The following PHRF1 variants were observed in gnomAD, a reference collection of about 807,000 sequenced individuals.
The protein encoded by PHRF1 is PHD and ring finger domains 1, also known as PHD and RING finger domain-containing protein 1.
PHRF1 carries 53 observed loss-of-function variants against 128.9 expected under a neutral mutation model. That is an observed-to-expected ratio of 0.41 (90% CI 0.33 to 0.52). The LOEUF (loss-of-function observed/expected upper bound fraction) is 0.52, where lower values mean the gene tolerates loss of function less well. Among genes scored for constraint, PHRF1 ranks in the 20% least tolerant of loss-of-function variants. The pLI is 0.21. For synonymous variants in PHRF1, 1,178 were observed against 980.6 expected (o/e 1.20, Z -3.76); for missense variants, 2,503 against 2,284.5 (o/e 1.10, Z -1.95).
intron 6 of PHRF1, 38 bp downstream of exon 6, chr11:592,712 C>T (rs141828365): frequency 1.4e-4 from 224 of 1,597,022 alleles, no homozygotes; most frequent in African/African-American, 2.0e-4. Flanking sequence ...TGCCCTGCTG[C>T]GTGCAAGGCG....
rs1856112750 is a variant in PHRF1 at position 608,529 on chromosome 11, T to G, written c.3073T>G (p.Ser1025Ala). The change falls in exon 14 of 18, where the codon TCC (serine) becomes GCC (alanine). Residue 1025 changes from serine (S) to alanine (A), a missense_variant. Ser to Ala is a moderately conservative substitution (Grantham distance 99, BLOSUM62 1). Coordinates refer to ENST00000264555, the MANE Select transcript of PHRF1 (RefSeq NM_001286581.2). ...GACGCGCTCTGGGACGCGCTCTGAA[T>G]CCAGGGACAGGAGCTCGAGGTCAGC... ...GRTRSGTRSE[S>A]RDRSSRSASP... 7 of 1,612,074 alleles carry G rather than the reference T, an allele frequency of 4.3e-6. No homozygotes were observed. Among genetic ancestry groups the G allele is most frequent in the Non-Finnish European group, 5.9e-6 (7 of 1,179,758 alleles).
At position 587,264 on chromosome 11, in the gene PHRF1, G is replaced by C. The variant is rs1198667569; in HGVS notation, c.220G>C (p.Glu74Gln). The change falls in exon 4 of 18, where the codon GAG (glutamate) becomes CAG (glutamine). Residue 74 changes from glutamate to glutamine, a missense_variant. Coordinates refer to ENST00000264555, the MANE Select transcript of PHRF1 (RefSeq NM_001286581.2). ...EEDLEDRSGS[E>Q]DSEDDGETLL... ...CTGGCATGTTTCCTCTCCAGGTTCC[G>C]AGGATTCTGAAGACGACGGGGAGAC... is the stretch of plus-strand genomic sequence containing the variant. The C allele has an allele frequency of 6.2e-7, 1 of 1,613,258 alleles. No individual in the cohort carries two copies.
rs371223606 is a variant in PHRF1 at position 582,032 on chromosome 11, C to T, written c.165C>T (p.Asp55=). The change falls in exon 3 of 18, where the codon GAC becomes GAT. Residue 55 remains aspartate, a synonymous_variant. Coordinates refer to ENST00000264555, the MANE Select transcript of PHRF1 (RefSeq NM_001286581.2). The part of the protein sequence containing the change: ...DSDSEHGDGT[D]GEDEGASEEE... The stretch of plus-strand genomic sequence containing the variant: ...ACAGCGAGCATGGAGATGGCACAGA[C>T]GGAGAAGACGAGGGGGCGTCTGAGG... 27 of 1,607,218 alleles carry T rather than the reference C, an allele frequency of 1.7e-5. No individual in the cohort carries two copies. Among genetic ancestry groups the T allele is most frequent in the Admixed American group, 6.8e-5 (4 of 59,012 alleles).
At chr11:609,754 GC>G in intron 14 of PHRF1, 34 bp downstream of exon 14, 2 of 1,379,114 alleles carry the variant, frequency 1.5e-6, no homozygotes, top group South Asian at 3.0e-5. Flanking sequence ...CGAGGACAGA[GC>G]CCCCAGTGAG....
chr11:605,831 C>A, intron 12 of PHRF1, 107 bp downstream of exon 12: 1 of 1,431,020 alleles, frequency 7.0e-7, no homozygotes, highest in Non-Finnish European at 9.2e-7. Context: ...CCCTGGGTGG[C>A]GTCAGCACCT....
At position 608,627 on chromosome 11, in the gene PHRF1, C is replaced by T. The variant is rs1003171015; in HGVS notation, c.3171C>T (p.Asp1057=). The T allele has an allele frequency of 4.3e-6, 7 of 1,612,086 alleles. No homozygotes were observed. Among genetic ancestry groups the T allele is most frequent in the Non-Finnish European group, 5.9e-6 (7 of 1,179,784 alleles). Residue 1057 remains aspartate, a synonymous_variant, in exon 14 of 18, where the codon GAC becomes GAT. Coordinates refer to ENST00000264555, the MANE Select transcript of PHRF1 (RefSeq NM_001286581.2). ...CCAAGAGCCGGCGGTCCTCCAGTGACCGCTCCAGCAGCCGAGAGCGAGCTA... is the reference window on the plus strand; with the variant it reads ...CCAAGAGCCGGCGGTCCTCCAGTGATCGCTCCAGCAGCCGAGAGCGAGCTA... ...SKAKSRRSSS[D]RSSSRERAKR... is the part of the protein sequence containing the mutation.
chr11:592,176 A>G (rs1331013790), intron 5 of PHRF1, among the ~76,000 whole-genome samples: 1 of 151,412 alleles, frequency 6.6e-6, no homozygotes, highest in African/African-American at 2.4e-5. Context: ...CGGCCTCCCA[A>G]AGTGCTGGGA....
chr11:609,870 C>T, intron 14 of PHRF1, 150 bp downstream of exon 14: 1 of 611,836 alleles, frequency 1.6e-6, no homozygotes, highest in Non-Finnish European at 2.7e-6. Context: ...CCGCTGAGAA[C>T]AGAGCCCCCT....
At chr11:601,171 G>A (rs948741547) in intron 9 of PHRF1, among the ~76,000 whole-genome samples, 8 of 151,878 alleles carry the variant, frequency 5.3e-5, no homozygotes, top group Admixed American at 2.0e-4. Flanking sequence ...TTGGGCAGGC[G>A]TGGTGGCTCA....
intron 5 of PHRF1, 44 bp from the exon 6 acceptor site, chr11:592,515 G>C: frequency 1.9e-6 from 3 of 1,567,058 alleles, no homozygotes; most frequent in Non-Finnish European, 2.6e-6. Flanking sequence ...GTGACTGCGG[G>C]GAGTTTGGGT....
rs1422542941 is a variant in PHRF1, at chr11:597,387, C to T, written c.719-8C>T. On this transcript the variant is annotated splice_region_variant and splice_polypyrimidine_tract_variant and intron_variant, in intron 7 of 17. Coordinates refer to ENST00000264555, the MANE Select transcript of PHRF1 (RefSeq NM_001286581.2). The surrounding 1 kb of genome is among the most constrained non-coding windows in gnomAD (Gnocchi z 6.5). ...GTGTGGCACATCAGCCCTGGTGGTT[C>T]TTCCCAGATGCGGGTCCCGTGAGTG... 6.2e-7 allele frequency: 1 copy of T among 1,609,288 alleles called. No homozygotes were observed.
rs759319877 is a variant in PHRF1 at position 609,585 on chromosome 11, A to G, written c.4129A>G (p.Arg1377Gly). The G allele has an allele frequency of 1.9e-6, 3 of 1,595,696 alleles. No individual in the cohort carries two copies. The highest frequency in any genetic ancestry group is 2.6e-6 in the Non-Finnish European group (3 of 1,172,814). The change falls in exon 14 of 18, where the codon AGG (arginine) becomes GGG (glycine). Residue 1377 changes from arginine to glycine, a missense_variant. Arg to Gly is a moderately radical substitution (Grantham distance 125). Coordinates refer to ENST00000264555, the MANE Select transcript of PHRF1 (RefSeq NM_001286581.2). ...GGAAGACAGCCCCTCTGCGAGTGGGAGGGTACAGGAGGCAGCCCGGCCTGA... is the reference window on the plus strand; with the variant it reads ...GGAAGACAGCCCCTCTGCGAGTGGGGGGGTACAGGAGGCAGCCCGGCCTGA... ...GKEDSPSASG[R>G]VQEAARPEEV...
chr11:598,244 TG>T, intron 8 of PHRF1, 128 bp from the exon 9 acceptor site: 1 of 1,298,234 alleles, frequency 7.7e-7, no homozygotes. Context: ...GCTGCTGCAG[TG>T]GCGGGTGGGG....
intron 6 of PHRF1, 106 bp downstream of exon 6, chr11:592,780 C>A: frequency 7.9e-7 from 1 of 1,268,470 alleles, no homozygotes; most frequent in Admixed American, 1.8e-5. Context: ...AGTCCCAGCA[C>A]CTGGAGCTGT....
At chr11:600,876 G>A (rs1198440904) in intron 9 of PHRF1, among the ~76,000 whole-genome samples, 1 of 152,214 alleles carries the variant, frequency 6.6e-6, no homozygotes, top group African/African-American at 2.4e-5. Context: ...TGAGGCAGGA[G>A]AATGGCGTGA....
intron 1 of PHRF1, among the ~76,000 whole-genome samples, chr11:581,214 G>C (rs1314409355): frequency 2.0e-5 from 3 of 151,092 alleles, no homozygotes; most frequent in African/African-American, 7.4e-5. Flanking sequence ...TGTGAATCAT[G>C]TGTAAGGCTT....
chr11:584,132 G>A (rs1854383798), intron 3 of PHRF1, among the ~76,000 whole-genome samples: 2 of 152,216 alleles, frequency 1.3e-5, no homozygotes, highest in African/African-American at 4.8e-5. Flanking sequence ...AGAGTTCGAT[G>A]TTTAGCTCTG....
intron 3 of PHRF1, among the ~76,000 whole-genome samples, chr11:584,761 G>A (rs1023350593): frequency 2.7e-4 from 31 of 113,432 alleles, no homozygotes; most frequent in Non-Finnish European, 3.6e-4. Context: ...TTTTGAGACC[G>A]AGTTTCACTC....
chr11:582,849 A>C (rs1164970102), intron 3 of PHRF1, among the ~76,000 whole-genome samples: 1 of 150,184 alleles, frequency 6.7e-6, no homozygotes, highest in Non-Finnish European at 1.5e-5. Context: ...CCTGGCCAGC[A>C]TAGTGAAACC....
Sources: allele counts gnomAD v4.1 joint callset (sites outside exome capture counted in the v4.1 genomes callset), GRCh38; gene constraint gnomAD v4.1.1; non-coding constraint Gnocchi (gnomAD v3.1); transcripts MANE v1.5; gene names NCBI Gene and HGNC (gene_info 2026-07-23, HGNC 2026-07-21).